GPHN: variants seen among roughly 807,000 people sequenced by gnomAD.
GPHN encodes the protein gephyrin.
Under a neutral mutation model 95.5 loss-of-function variants are expected in GPHN, and 17 were observed. That is an observed-to-expected ratio of 0.18 (90% CI 0.12 to 0.27). GPHN has a LOEUF of 0.27. Ranked by LOEUF, GPHN falls within the 10% of genes least tolerant of loss-of-function variation. The pLI, the probability that GPHN is intolerant of heterozygous loss-of-function variation, is 1.00. For missense variants in GPHN, 660 were observed against 978.1 expected (o/e 0.67, Z 4.34); for synonymous variants, 320 against 322.5 (o/e 0.99, Z 0.08).
the GPHN span, chr14:67,674,307 G>T: frequency 7.2e-7 from 1 of 1,395,538 alleles, no homozygotes. Context: ...TGGGAGGAAG[G>T]TGGGAGAATC....
chr14:66,883,339 T>C (rs1691355564), intron 5 of GPHN, among the ~76,000 whole-genome samples: 1 of 152,030 alleles, frequency 6.6e-6, no homozygotes, highest in Middle Eastern at 3.2e-3. Flanking sequence ...ATATTTTCAG[T>C]TCTAAATTCT....
At chr14:67,614,019 C>T in the GPHN span, among the ~76,000 whole-genome samples, 237 of 152,266 alleles carry the variant, frequency 1.6e-3, 2 homozygotes, top group African/African-American at 5.4e-3. Flanking sequence ...ACTGCAGCCC[C>T]GACCTCTTGG....
At chr14:66,748,566 G>A (rs2058248969) in intron 2 of GPHN, among the ~76,000 whole-genome samples, 1 of 151,782 alleles carries the variant, frequency 6.6e-6, no homozygotes, top group Non-Finnish European at 1.5e-5. Context: ...ATTCACTGTT[G>A]GTGTTGTATA....
chr14:67,224,838 G>A, the GPHN span: 2 of 298,756 alleles, frequency 6.7e-6, no homozygotes, highest in South Asian at 4.0e-5. Flanking sequence ...ATCCTAAGCA[G>A]CCAGGTTCAT....
chr14:67,529,227 C>T, the GPHN span, among the ~76,000 whole-genome samples: 2 of 152,144 alleles, frequency 1.3e-5, no homozygotes, highest in Admixed American at 6.5e-5. Context: ...TCCCCATCCG[C>T]TGCCTGGCTC....
chr14:66,770,172 G>A (rs545095772), intron 2 of GPHN, among the ~76,000 whole-genome samples: 1 of 152,202 alleles, frequency 6.6e-6, no homozygotes, highest in Admixed American at 6.5e-5. Context: ...TTTTAATAGA[G>A]TTGTTCATTT....
chr14:66,647,077 AT>A (rs2064793003), intron 1 of GPHN, among the ~76,000 whole-genome samples: 1 of 116,518 alleles, frequency 8.6e-6, no homozygotes, highest in Non-Finnish European at 1.6e-5. Flanking sequence ...TTTTTTTTTA[AT>A]ATTTTTTTTT....
chr14:67,213,737 C>G, the GPHN span, among the ~76,000 whole-genome samples: 2 of 152,156 alleles, frequency 1.3e-5, no homozygotes, highest in Non-Finnish European at 2.9e-5. Context: ...GAGGAATCGC[C>G]ACACTGACTT....
the GPHN span, chr14:67,395,690 A>C: frequency 1.2e-6 from 1 of 814,804 alleles, no homozygotes; most frequent in African/African-American, 1.7e-5. Context: ...GTGACTGCCA[A>C]ATGCCCTGAG....
At chr14:67,057,818 A>G (rs2075665826) in intron 10 of GPHN, among the ~76,000 whole-genome samples, 1 of 152,184 alleles carries the variant, frequency 6.6e-6, no homozygotes, top group Non-Finnish European at 1.5e-5. Flanking sequence ...TCTGGTTCAT[A>G]AAATGCAGTC....
chr14:66,683,118 CT>C (rs2067043208), intron 2 of GPHN, among the ~76,000 whole-genome samples: 1 of 151,260 alleles, frequency 6.6e-6, no homozygotes, highest in African/African-American at 2.4e-5. Context: ...TTCTCCTAAC[CT>C]GCCATTATCC....
intron 4 of GPHN, among the ~76,000 whole-genome samples, chr14:66,846,518 T>G (rs2062345622): frequency 6.6e-6 from 1 of 152,092 alleles, no homozygotes; most frequent in African/African-American, 2.4e-5. Flanking sequence ...AGGAAAATGT[T>G]CAAAGTCACA....
intron 3 of GPHN, among the ~76,000 whole-genome samples, chr14:66,808,976 G>C (rs1049319377): frequency 6.6e-6 from 1 of 152,166 alleles, no homozygotes; most frequent in Non-Finnish European, 1.5e-5. Flanking sequence ...GTTTTCAGAA[G>C]TTCAAGTGTG....
intron 4 of GPHN, among the ~76,000 whole-genome samples, chr14:66,837,139 G>A (rs1205711783): frequency 6.6e-6 from 1 of 151,184 alleles, no homozygotes; most frequent in Non-Finnish European, 1.5e-5. Context: ...AAAGACACAT[G>A]CACACGTATG....
rs529770095 is a variant in GPHN, at chr14:66,793,021, C to T, written c.201+16500C>T. On this transcript the variant is annotated intron_variant, in intron 3 of 22. Coordinates refer to ENST00000478722, the MANE Select transcript of GPHN (RefSeq NM_020806.5). The stretch of plus-strand genomic sequence containing the variant: ...TTTGTGGTTTAAGAATGCCTTTAAG[C>T]GGTTTTCCGCCCTGGGCGGGCCAGG... 2.1e-4 allele frequency among the ~76,000 whole-genome samples: 32 copies of T among 149,640 alleles called. No individual in the cohort carries two copies. In the East Asian group the frequency reaches 3.7e-3, roughly 17 times the overall value.
chr14:66,682,305 C>T (rs2153396723), intron 2 of GPHN, among the ~76,000 whole-genome samples: 1 of 152,160 alleles, frequency 6.6e-6, no homozygotes, highest in South Asian at 2.1e-4. Context: ...CCTTTGAGTC[C>T]TGTGAAAATT....
chr14:67,402,924 TG>T, the GPHN span, among the ~76,000 whole-genome samples: 2 of 152,222 alleles, frequency 1.3e-5, no homozygotes. Context: ...TCCTTTCTTT[TG>T]GGTATATACC....
At chr14:67,193,556 G>T in the GPHN span, among the ~76,000 whole-genome samples, 8 of 139,788 alleles carry the variant, frequency 5.7e-5, no homozygotes, top group African/African-American at 1.6e-4. Flanking sequence ...TCTATATATA[G>T]ATCTATATCT....
chr14:67,345,790 A>G, the GPHN span: 1 of 1,613,828 alleles, frequency 6.2e-7, no homozygotes, highest in Non-Finnish European at 8.5e-7. Flanking sequence ...TAGTTCCACC[A>G]GTAGTTCCAC....
Sources: allele counts gnomAD v4.1 joint callset (sites outside exome capture counted in the v4.1 genomes callset), GRCh38; gene constraint gnomAD v4.1.1; transcripts MANE v1.5; gene names NCBI Gene and HGNC (gene_info 2026-07-23, HGNC 2026-07-21).